WDR25: variants seen among roughly 807,000 people sequenced by gnomAD.
WDR25 encodes the protein WD repeat-containing protein 25.
In WDR25, 35 loss-of-function variants were observed where a neutral mutation model predicts 47.7. The observed-to-expected ratio is 0.73, with a 90% confidence interval of 0.56 to 0.97. The LOEUF is 0.97. WDR25 is among the 50% of genes least tolerant of loss of function. The pLI, the probability that WDR25 is intolerant of heterozygous loss-of-function variation, is 0.00. For synonymous variants in WDR25, 248 were observed against 278.9 expected (o/e 0.89, Z 1.10); for missense variants, 634 against 704.7 (o/e 0.90, Z 1.14).
At chr14:100,470,638 G>A (rs1481955264) in intron 3 of WDR25, among the ~76,000 whole-genome samples, 1 of 152,220 alleles carries the variant, frequency 6.6e-6, no homozygotes, top group African/African-American at 2.4e-5. Flanking sequence ...GCAAGAGTCA[G>A]GGCTTGGTCT....
chr14:100,446,150 T>C (rs1405466803), intron 2 of WDR25, among the ~76,000 whole-genome samples: 1 of 152,174 alleles, frequency 6.6e-6, no homozygotes, highest in Non-Finnish European at 1.5e-5. Flanking sequence ...AGTTGGAGTA[T>C]AGAGGAGGAG....
At chr14:100,376,787 C>T (rs1043683907) in intron 1 of WDR25, 19 of 1,201,680 alleles carry the variant, frequency 1.6e-5, no homozygotes, top group African/African-American at 3.1e-5. Flanking sequence ...CCACACCAGA[C>T]CCAGCATAGG....
At chr14:100,478,782 T>G (rs1036965573) in intron 3 of WDR25, among the ~76,000 whole-genome samples, 4 of 152,234 alleles carry the variant, frequency 2.6e-5, no homozygotes, top group African/African-American at 9.6e-5. Context: ...AATTCAGCTT[T>G]CACATTTTCT....
rs561512007 is a variant in WDR25 at position 100,433,071 on chromosome 14, C to T, written c.823-34950C>T. ...TGCCGTGCATGTGGATCGTCATTGA[C>T]TGAAATGTTGTTATGCAGCACATGA... On this transcript the variant is annotated intron_variant, in intron 2 of 6. Coordinates refer to ENST00000402312, the MANE Select transcript of WDR25 (RefSeq NM_001161476.3). 4.6e-5 allele frequency among the ~76,000 whole-genome samples: 7 copies of T among 152,334 alleles called. No individual in the cohort carries two copies. In the East Asian group the frequency reaches 1.3e-3, roughly 29 times the overall value.
rs751965601 is a variant in WDR25 at position 100,381,182 on chromosome 14, C to T, written c.258C>T (p.Ser86=). 1.4e-5 allele frequency: 22 copies of T among 1,614,024 alleles called. No individual in the cohort carries two copies. Among genetic ancestry groups the T allele is most frequent in the Middle Eastern group, 1.6e-4 (1 of 6,084 alleles). Residue 86 remains serine (S), a synonymous_variant, in exon 2 of 7, where the codon AGC becomes AGT. Coordinates refer to ENST00000402312, the MANE Select transcript of WDR25 (RefSeq NM_001161476.3). ...YRLPLAQLGR[S]DWGSCPSQRL... Reference sequence around the variant, plus strand: ...TTCCATTGGCTCAGCTTGGGAGAAGCGATTGGGGATCTTGCCCCAGCCAGA... The same window carrying T: ...TTCCATTGGCTCAGCTTGGGAGAAGTGATTGGGGATCTTGCCCCAGCCAGA...
At chr14:100,422,892 G>C (rs1359615609) in intron 2 of WDR25, among the ~76,000 whole-genome samples, 1 of 152,200 alleles carries the variant, frequency 6.6e-6, no homozygotes, top group Non-Finnish European at 1.5e-5. Flanking sequence ...AAACGTCAAA[G>C]TGCTATTTTT....
intron 2 of WDR25, among the ~76,000 whole-genome samples, chr14:100,467,613 C>A (rs1899679076): frequency 6.6e-6 from 1 of 152,162 alleles, no homozygotes; most frequent in Non-Finnish European, 1.5e-5. Context: ...CCTGCCTCAG[C>A]CTCCTGAGTA....
chr14:100,407,690 A>G lies in WDR25; in HGVS notation c.822+25944A>G, dbSNP rs1897582500. The stretch of plus-strand genomic sequence containing the variant: ...TTGGGAGGCAGCTGTCCTCCAAAGC[A>G]TACAATTACTAAGAACAGGGACCAT... On this transcript the variant is annotated intron_variant, in intron 2 of 6. Transcript: ENST00000402312. The surrounding 1 kb of genome is among the most constrained non-coding windows in gnomAD (Gnocchi z 4.1). 6.6e-6 allele frequency: 1 copy of G among 152,328 alleles called. No homozygotes were observed. The highest frequency in any genetic ancestry group is 1.9e-4 in the East Asian group (1 of 5,188). The allele number at this position is 152,328 out of a possible 1,614,324, so 9.4% of individuals were successfully genotyped here. A position where few individuals can be genotyped will look rare whatever the true frequency, so the allele number is the denominator to read the frequency against.
At chr14:100,409,360 G>A (rs527881982) in intron 2 of WDR25, among the ~76,000 whole-genome samples, 2 of 152,288 alleles carry the variant, frequency 1.3e-5, no homozygotes, top group South Asian at 2.1e-4. Context: ...GAATCAGTTA[G>A]GAATATTGGC....
chr14:100,472,990 G>A (rs1373266965), intron 3 of WDR25, among the ~76,000 whole-genome samples: 1 of 152,236 alleles, frequency 6.6e-6, no homozygotes, highest in Non-Finnish European at 1.5e-5. Flanking sequence ...GTCATGTTGT[G>A]TGGAAGTGAG....
chr14:100,473,001 C>T (rs969335895), intron 3 of WDR25, among the ~76,000 whole-genome samples: 1 of 152,234 alleles, frequency 6.6e-6, no homozygotes, highest in Non-Finnish European at 1.5e-5. Flanking sequence ...TGGAAGTGAG[C>T]AGCCAACTGG....
chr14:100,520,193 TTCCACAC>T (rs1233606094), intron 4 of WDR25, among the ~76,000 whole-genome samples: 14 of 151,556 alleles, frequency 9.2e-5, no homozygotes, highest in African/African-American at 3.4e-4. Flanking sequence ...TGCTGATTGT[TTCCACAC>T]TCCTTCTGTG....
At chr14:100,401,564 A>C (rs1032211828) in intron 2 of WDR25, among the ~76,000 whole-genome samples, 9 of 152,168 alleles carry the variant, frequency 5.9e-5, no homozygotes, top group African/African-American at 2.2e-4. Context: ...GGGATTGATC[A>C]CTTCTTCCTC....
intron 2 of WDR25, among the ~76,000 whole-genome samples, chr14:100,422,217 G>A (rs1477508687): frequency 1.3e-5 from 2 of 152,184 alleles, no homozygotes; most frequent in African/African-American, 2.4e-5. Flanking sequence ...CTCAGCATCC[G>A]ATGAGTGATT....
Position 100,499,356 on chromosome 14 carries a change from G to T in WDR25, c.1101+15232G>T, listed in dbSNP as rs866740266. On this transcript the variant is annotated intron_variant, in intron 4 of 6. Transcript: ENST00000402312. The surrounding 1 kb of genome is among the most constrained non-coding windows in gnomAD (Gnocchi z 4.4). ...AGATGTATTTAACCAGCCCTCTATT[G>T]TTGGGTGTTTATAAGATTTCCAGTG... 6.6e-6 allele frequency among the ~76,000 whole-genome samples: 1 copy of T among 152,136 alleles called. No individual in the cohort carries two copies. Among genetic ancestry groups the T allele is most frequent in the Non-Finnish European group, 1.5e-5 (1 of 68,018 alleles).
At chr14:100,395,607 T>G (rs1897240833) in intron 2 of WDR25, among the ~76,000 whole-genome samples, 1 of 152,190 alleles carries the variant, frequency 6.6e-6, no homozygotes. Context: ...AGTGTAGTCG[T>G]GTAACTGTGG....
chr14:100,446,972 C>T (rs553676536), intron 2 of WDR25, among the ~76,000 whole-genome samples: 1 of 152,374 alleles, frequency 6.6e-6, no homozygotes, highest in African/African-American at 2.4e-5. Context: ...ATTATCCCAT[C>T]ACATGATTCT....
chr14:100,508,119 A>G (rs1901179349), intron 4 of WDR25, among the ~76,000 whole-genome samples: 1 of 152,214 alleles, frequency 6.6e-6, no homozygotes, highest in African/African-American at 2.4e-5. Flanking sequence ...TTGGTTCATT[A>G]TATGTGAATC....
At chr14:100,497,581 G>A (rs952142940) in intron 4 of WDR25, among the ~76,000 whole-genome samples, 1 of 152,194 alleles carries the variant, frequency 6.6e-6, no homozygotes, top group African/African-American at 2.4e-5. Flanking sequence ...ACCTGCTCTT[G>A]TTTACTTTTC....
Sources: allele counts gnomAD v4.1 joint callset (sites outside exome capture counted in the v4.1 genomes callset), GRCh38; gene constraint gnomAD v4.1.1; non-coding constraint Gnocchi (gnomAD v3.1); transcripts MANE v1.5; gene names NCBI Gene and HGNC (gene_info 2026-07-23, HGNC 2026-07-21).